The following MARCHF8 variants were observed in gnomAD, a reference collection of about 807,000 sequenced individuals.
The protein encoded by MARCHF8 is E3 ubiquitin-protein ligase MARCHF8.
In MARCHF8, 40 loss-of-function variants were observed where a neutral mutation model predicts 51.6. The ratio of observed to expected loss-of-function variants is 0.77; its 90% CI spans 0.60 to 1.01. The LOEUF is 1.01. Among genes scored for constraint, MARCHF8 ranks in the 50% least tolerant of loss-of-function variants. The pLI, the probability that MARCHF8 is intolerant of heterozygous loss-of-function variation, is 0.00. For synonymous variants in MARCHF8, 263 were observed against 280.3 expected (o/e 0.94, Z 0.62); for missense variants, 685 against 708.6 (o/e 0.97, Z 0.38).
Position 45,516,679 on chromosome 10 carries a change from G to A in MARCHF8, c.102+16431C>T, listed in dbSNP as rs1019781648. Among the ~76,000 whole-genome samples, 14 of 152,150 alleles carry A rather than the reference G, an allele frequency of 9.2e-5. No individual in the cohort carries two copies. In the East Asian group the frequency reaches 9.6e-4, roughly 10 times the overall value. ...CTTAGGAAGTTGATGCAGGAGAATC[G>A]CTTGAACCTGGGAGGCGGAGGTTGC... On this transcript the variant is annotated intron_variant, in intron 2 of 7. Coordinates refer to ENST00000453424, the MANE Select transcript of MARCHF8 (RefSeq NM_001282866.2).
At chr10:45,548,995 CAAAA>C (rs34591285) in intron 1 of MARCHF8, among the ~76,000 whole-genome samples, 1 of 110,304 alleles carries the variant, frequency 9.1e-6, no homozygotes. Flanking sequence ...GACTCCATCT[CAAAA>C]AAAAAAAAAA....
chr10:45,555,753 A>AG (rs1554818961), intron 1 of MARCHF8, among the ~76,000 whole-genome samples: 36 of 151,722 alleles, frequency 2.4e-4, no homozygotes, highest in African/African-American at 6.8e-4. Context: ...CAAAAAAAAA[A>AG]AAAAAGAAAA....
chr10:45,470,218 C>T (rs1843124836), intron 3 of MARCHF8, among the ~76,000 whole-genome samples: 1 of 152,208 alleles, frequency 6.6e-6, no homozygotes, highest in African/African-American at 2.4e-5. Flanking sequence ...CATGCTGAGA[C>T]TCTCTGCTCT....
chr10:45,551,731 A>G (rs1235921451), intron 1 of MARCHF8, among the ~76,000 whole-genome samples: 1 of 152,070 alleles, frequency 6.6e-6, no homozygotes, highest in Non-Finnish European at 1.5e-5. Context: ...AGCCCACCCT[A>G]CAGATTTTGG....
intron 2 of MARCHF8, among the ~76,000 whole-genome samples, chr10:45,512,257 C>CT: frequency 6.6e-6 from 1 of 151,544 alleles, no homozygotes; most frequent in East Asian, 2.0e-4. Flanking sequence ...GCCGCCCCGT[C>CT]TGAGAAGTGA....
At chr10:45,480,127 G>C (rs551452070) in intron 3 of MARCHF8, among the ~76,000 whole-genome samples, 1 of 152,304 alleles carries the variant, frequency 6.6e-6, no homozygotes, top group Non-Finnish European at 1.5e-5. Flanking sequence ...TGCCCCTGAT[G>C]TGTGGAACTT....
chr10:45,546,981 G>A (rs868314305), intron 1 of MARCHF8, among the ~76,000 whole-genome samples: 1 of 152,096 alleles, frequency 6.6e-6, no homozygotes, highest in Non-Finnish European at 1.5e-5. Context: ...CCAGCTACTT[G>A]GGAGGCTGAG....
rs143965526 is a variant in MARCHF8 at position 45,564,308 on chromosome 10, A to C, written c.-79+29927T>G. Among the ~76,000 whole-genome samples the C allele has an allele frequency of 6.0e-3, 911 of 152,252 alleles. 10 individuals are homozygous for C. Among genetic ancestry groups the C allele is most frequent in the African/African-American group, 0.021 (853 of 41,550 alleles). On this transcript the variant is annotated intron_variant, in intron 1 of 6. Coordinates refer to the MARCHF8 transcript ENST00000319836. ...AAATAAGAAGTATAAAACAGAACCA[A>C]ATAGAAATTCAAAAACAGAAAAGAC...
At chr10:45,480,097 CAA>C (rs2042858154) in intron 3 of MARCHF8, among the ~76,000 whole-genome samples, 1 of 152,092 alleles carries the variant, frequency 6.6e-6, no homozygotes, top group Non-Finnish European at 1.5e-5. Flanking sequence ...TATGTTTTAG[CAA>C]AGAGACTGGC....
chr10:45,557,690 G>A (rs148586276), intron 1 of MARCHF8, among the ~76,000 whole-genome samples: 25 of 152,244 alleles, frequency 1.6e-4, no homozygotes, highest in Non-Finnish European at 2.8e-4. Flanking sequence ...CACTCTAAAC[G>A]GAAGTGAGGA....
chr10:45,520,689 G>A (rs1191509367), intron 2 of MARCHF8, among the ~76,000 whole-genome samples: 1 of 152,156 alleles, frequency 6.6e-6, no homozygotes, highest in Non-Finnish European at 1.5e-5. Flanking sequence ...CACACGAGGG[G>A]GCGTGAAGCA....
At position 45,463,420 on chromosome 10, in the gene MARCHF8, G is replaced by A. The variant is rs1456091940; in HGVS notation, c.819C>T (p.Ser273=). The change falls in exon 5 of 8, where the codon AGC becomes AGT. Residue 273 remains serine (S), a synonymous_variant. Transcript: ENST00000453424. ...TCTCCAGCTCATGGAACCTGTGCAG[G>A]CTGCTGGCGCTCAAGCCGTGCGAGA... ...FSLSHGLSAS[S]LHRFHELESC... 1.3e-6 allele frequency: 2 copies of A among 1,550,516 alleles called. No individual in the cohort carries two copies. The highest frequency in any genetic ancestry group is 8.7e-7 in the Non-Finnish European group (1 of 1,147,012).
chr10:45,478,000 G>C (rs2042817847), intron 3 of MARCHF8, among the ~76,000 whole-genome samples: 1 of 152,166 alleles, frequency 6.6e-6, no homozygotes. Context: ...CCCATCGTTA[G>C]ACAGATCATC....
chr10:45,568,901 T>C (rs370455475), intron 1 of MARCHF8, among the ~76,000 whole-genome samples: 14 of 150,676 alleles, frequency 9.3e-5, no homozygotes, highest in East Asian at 5.9e-4. Flanking sequence ...ACCCTGTCTC[T>C]ACTAAAAATA....
Position 45,459,170 on chromosome 10 carries a change from T to C in MARCHF8, c.1367A>G (p.Tyr456Cys), listed in dbSNP as rs1206485291. The C allele has an allele frequency of 1.2e-6, 2 of 1,614,006 alleles. No individual in the cohort carries two copies. The highest frequency in any genetic ancestry group is 2.2e-5 in the South Asian group (2 of 91,070). Reference protein sequence around the residue: ...IAITCVVWSLYVLIDRTAEEI... With the variant: ...IAITCVVWSLCVLIDRTAEEI... ...CTCAGCAGTACGGTCAATGAGCACA[T>C]ACAAGGACCAGACCACACATGTGAT... The change falls in exon 7 of 8, where the codon TAT (tyrosine) becomes TGT (cysteine). Residue 456 changes from tyrosine to cysteine, a missense_variant. Tyr to Cys is a radical substitution (Grantham distance 194). Transcript: ENST00000453424.
At chr10:45,520,125 G>A (rs2043683791) in intron 2 of MARCHF8, among the ~76,000 whole-genome samples, 1 of 152,152 alleles carries the variant, frequency 6.6e-6, no homozygotes, top group East Asian at 1.9e-4. Context: ...TCCATAAAGT[G>A]ATCATGACCA....
rs1293805083 is a variant in MARCHF8, at chr10:45,463,387, A to G, written c.852T>C (p.Ala284=). ...LHRFHELESC[A]ARLHTAKSSS... ...AGGACTTGGCAGTGTGCAGGCGAGC[A>G]GCGCAGCTCTCCAGCTCATGGAACC... The change falls in exon 5 of 8, where the codon GCT becomes GCC. Residue 284 remains alanine, a synonymous_variant. Coordinates refer to ENST00000453424, the MANE Select transcript of MARCHF8 (RefSeq NM_001282866.2). The G allele has an allele frequency of 9.0e-6, 14 of 1,550,622 alleles. No homozygotes were observed. The Admixed American group carries it at 1.4e-4, about 15-fold the overall frequency.
At chr10:45,502,094 A>G (rs1450806037) in intron 2 of MARCHF8, among the ~76,000 whole-genome samples, 1 of 152,216 alleles carries the variant, frequency 6.6e-6, no homozygotes, top group African/African-American at 2.4e-5. Flanking sequence ...TTTAAAAATT[A>G]AACATGAAAT....
exon 1 of MARCHF8, chr10:45,594,578 G>A (rs966566574): frequency 2.6e-5 from 4 of 152,190 alleles, no homozygotes; most frequent in Non-Finnish European, 4.4e-5. Context: ...CGCAGCGCAG[G>A]GATGGGTCCT....
Sources: allele counts gnomAD v4.1 joint callset (sites outside exome capture counted in the v4.1 genomes callset), GRCh38; gene constraint gnomAD v4.1.1; transcripts MANE v1.5; gene names NCBI Gene and HGNC (gene_info 2026-07-23, HGNC 2026-07-21).